The following PRDM5 variants were observed in gnomAD, a reference collection of about 807,000 sequenced individuals.
PRDM5 encodes PR domain zinc finger protein 5.
PRDM5 carries 56 observed loss-of-function variants against 81.2 expected under a neutral mutation model. That is an observed-to-expected ratio of 0.69 (90% CI 0.56 to 0.86). The LOEUF is 0.86. Ranked by LOEUF, PRDM5 falls within the 40% of genes least tolerant of loss-of-function variation. The pLI is 0.00. For synonymous variants in PRDM5, 267 were observed against 256.4 expected (o/e 1.04, Z -0.39); for missense variants, 697 against 770.1 (o/e 0.91, Z 1.12).
At chr4:120,758,647 A>T (rs569198549) in intron 13 of PRDM5, among the ~76,000 whole-genome samples, 1 of 152,070 alleles carries the variant, frequency 6.6e-6, no homozygotes, top group Non-Finnish European at 1.5e-5. Context: ...AAGTGCCTTG[A>T]TCTCAGACTT....
intron 2 of PRDM5, among the ~76,000 whole-genome samples, chr4:120,872,108 G>A (rs1052047346): frequency 1.1e-4 from 14 of 126,140 alleles, no homozygotes; most frequent in East Asian, 2.7e-4. Context: ...CTGAGATCAC[G>A]CCACTGCATT....
intron 2 of PRDM5, among the ~76,000 whole-genome samples, chr4:120,886,044 C>T (rs1047202514): frequency 5.9e-5 from 9 of 152,136 alleles, no homozygotes; most frequent in African/African-American, 2.2e-4. Context: ...ACAGAACTTC[C>T]AGAAGACATG....
chr4:120,773,662 T>G (rs1356522911), intron 13 of PRDM5, among the ~76,000 whole-genome samples: 1 of 152,204 alleles, frequency 6.6e-6, no homozygotes, highest in Admixed American at 6.6e-5. Flanking sequence ...TTAAAAACAC[T>G]AGCCCTTTTT....
intron 13 of PRDM5, among the ~76,000 whole-genome samples, chr4:120,755,701 C>T (rs192728990): frequency 1.6e-3 from 242 of 152,314 alleles, no homozygotes; most frequent in African/African-American, 1.4e-3. Context: ...CTTGACCTCT[C>T]CCCTGTCCCT....
intron 14 of PRDM5, among the ~76,000 whole-genome samples, chr4:120,717,158 A>G (rs1002930550): frequency 6.6e-6 from 1 of 152,028 alleles, no homozygotes; most frequent in Non-Finnish European, 1.5e-5. Flanking sequence ...GAATTTCAGT[A>G]GAGAAAGAAT....
Position 120,798,367 on chromosome 4 carries a change from A to G in PRDM5, c.1088T>C (p.Val363Ala). The G allele has an allele frequency of 6.2e-7, 1 of 1,613,324 alleles. No individual in the cohort carries two copies. Among genetic ancestry groups the G allele is most frequent in the Non-Finnish European group, 8.5e-7 (1 of 1,179,440 alleles). ...GCTGTGTATTACTTTGTGAGCACCC[A>G]CTTGATCAAGCCTCTTGAAAGACTT... is the stretch of plus-strand genomic sequence containing the variant. ...CNKSFKRLDQ[V>A]GAHKVIHSED... The change falls in exon 10 of 16, where the codon GTG (valine) becomes GCG (alanine). Residue 363 changes from valine (V) to alanine (A), a missense_variant. By Grantham distance (64) the Val-to-Ala change is moderately conservative. This residue lies in a region of PRDM5 where 577 missense variants were observed against 606.7 expected (regional missense o/e 0.95). Coordinates refer to ENST00000264808, the MANE Select transcript of PRDM5 (RefSeq NM_018699.4).
At chr4:120,768,185 T>C (rs888743092) in intron 13 of PRDM5, among the ~76,000 whole-genome samples, 9 of 152,206 alleles carry the variant, frequency 5.9e-5, no homozygotes, top group Admixed American at 1.3e-4. Context: ...TCTTTTATAC[T>C]GGGGGACTTA....
At chr4:120,910,423 T>C (rs1766380034) in intron 1 of PRDM5, among the ~76,000 whole-genome samples, 2 of 152,230 alleles carry the variant, frequency 1.3e-5, no homozygotes, top group African/African-American at 4.8e-5. Context: ...CCCCTAGGGA[T>C]TCCAGCACCA....
intron 13 of PRDM5, among the ~76,000 whole-genome samples, chr4:120,762,053 T>C (rs1037308497): frequency 6.6e-6 from 1 of 152,152 alleles, no homozygotes; most frequent in African/African-American, 2.4e-5. Flanking sequence ...TATTTAATTA[T>C]CTGGATTAAT....
At chr4:120,746,266 T>C (rs1016552565) in intron 14 of PRDM5, among the ~76,000 whole-genome samples, 2 of 141,064 alleles carry the variant, frequency 1.4e-5, no homozygotes, top group African/African-American at 5.4e-5. Flanking sequence ...TCCTTACACC[T>C]TATACAAAAA....
At chr4:120,795,331 A>G (rs1287135581) in intron 10 of PRDM5, among the ~76,000 whole-genome samples, 2 of 152,132 alleles carry the variant, frequency 1.3e-5, no homozygotes, top group Non-Finnish European at 1.5e-5. Flanking sequence ...GCTTTGCATT[A>G]TATATGACAG....
chr4:120,828,597 T>A (rs1221579532), intron 3 of PRDM5, among the ~76,000 whole-genome samples: 1 of 152,098 alleles, frequency 6.6e-6, no homozygotes, highest in Non-Finnish European at 1.5e-5. Flanking sequence ...CCAATGCATT[T>A]ATGGGCTGAA....
chr4:120,910,712 T>C (rs1019414934), intron 1 of PRDM5, among the ~76,000 whole-genome samples: 1 of 152,174 alleles, frequency 6.6e-6, no homozygotes. Context: ...ATTTTTGACC[T>C]ACAAAATGAA....
intron 2 of PRDM5, among the ~76,000 whole-genome samples, chr4:120,900,347 C>T (rs1205179396): frequency 6.6e-6 from 1 of 152,104 alleles, no homozygotes; most frequent in Non-Finnish European, 1.5e-5. Context: ...CCAGTCATCT[C>T]ATTAGCAAAC....
chr4:120,782,798 G>A (rs1749230480), intron 11 of PRDM5, among the ~76,000 whole-genome samples: 1 of 151,864 alleles, frequency 6.6e-6, no homozygotes, highest in African/African-American at 2.4e-5. Context: ...AATCGATTCA[G>A]GTACTGAAAG....
At chr4:120,814,942 C>T (rs570073665) in intron 7 of PRDM5, among the ~76,000 whole-genome samples, 1 of 152,192 alleles carries the variant, frequency 6.6e-6, no homozygotes, top group South Asian at 2.1e-4. Flanking sequence ...ACAAAATCAC[C>T]ATAAATTTCC....
chr4:120,688,693 C>T (rs763119962), downstream of PRDM5, among the ~76,000 whole-genome samples: 5 of 152,022 alleles, frequency 3.3e-5, no homozygotes, highest in Non-Finnish European at 7.4e-5. Flanking sequence ...ATGTGGATAT[C>T]TAGTTTTCCT....
chr4:120,818,739 T>C (rs1754881487), intron 4 of PRDM5, among the ~76,000 whole-genome samples: 1 of 152,224 alleles, frequency 6.6e-6, no homozygotes, highest in Admixed American at 6.5e-5. Context: ...CAAAATCACT[T>C]GTATTTCACC....
chr4:120,860,459 CA>C (rs1386959949), intron 2 of PRDM5, among the ~76,000 whole-genome samples: 10 of 152,092 alleles, frequency 6.6e-5, no homozygotes, highest in African/African-American at 1.9e-4. Flanking sequence ...ATCTTTTCCA[CA>C]GCAAATTTAT....
Sources: allele counts gnomAD v4.1 joint callset (sites outside exome capture counted in the v4.1 genomes callset), GRCh38; gene constraint gnomAD v4.1.1; regional missense constraint gnomAD v4.1.1; transcripts MANE v1.5; gene names NCBI Gene and HGNC (gene_info 2026-07-23, HGNC 2026-07-21).